Variants in DNAAF11 observed in about 807,000 individuals in gnomAD.
The protein encoded by DNAAF11 is leucine rich repeat containing 6.
In DNAAF11, 45 loss-of-function variants were observed where a neutral mutation model predicts 60.8. That is an observed-to-expected ratio of 0.74 (90% CI 0.58 to 0.95). The LOEUF is 0.95. DNAAF11 is among the 40% of genes least tolerant of loss of function. The pLI is 0.00. For synonymous variants in DNAAF11, 191 were observed against 183.5 expected (o/e 1.04, Z -0.33); for missense variants, 546 against 546.2 (o/e 1.00, Z 0.00).
intron 3 of DNAAF11, among the ~76,000 whole-genome samples, chr8:132,648,388 C>G (rs960428544): frequency 6.6e-6 from 1 of 152,112 alleles, no homozygotes; most frequent in South Asian, 2.1e-4. Context: ...TTATGACACA[C>G]GCACAGCCAA....
rs150219684 is a variant in DNAAF11 at position 132,649,830 on chromosome 8, A to G, written c.256+7000T>C. ...AAACCACAATGAGATACCATCTCAA[A>G]CCAGTTAGAATGGCAATCATTAAAA... On this transcript the variant is annotated intron_variant, in intron 3 of 11. Transcript: ENST00000620350. Among the ~76,000 whole-genome samples, 156 of 152,362 alleles carry G rather than the reference A, an allele frequency of 1.0e-3. No individual in the cohort carries two copies. The Middle Eastern group carries it at 0.014, about 13-fold the overall frequency.
At position 132,597,803 on chromosome 8, in the gene DNAAF11, A is replaced by C. The variant is rs545842841; in HGVS notation, c.1140+12363T>G. Among the ~76,000 whole-genome samples, 10 of 152,312 alleles carry C rather than the reference A, an allele frequency of 6.6e-5. No individual in the cohort carries two copies. In the South Asian group the frequency reaches 2.1e-3, roughly 32 times the overall value. ...GGTATGAGGAATCATGGAAGAAAGGATACATTTCATTGTATCTACTTTTGA... is the reference window on the plus strand; with the variant it reads ...GGTATGAGGAATCATGGAAGAAAGGCTACATTTCATTGTATCTACTTTTGA... On this transcript the variant is annotated intron_variant, in intron 10 of 11. Transcript: ENST00000620350.
intron 10 of DNAAF11, among the ~76,000 whole-genome samples, chr8:132,594,774 G>T (rs1033436874): frequency 6.6e-6 from 1 of 152,108 alleles, no homozygotes; most frequent in Non-Finnish European, 1.5e-5. Flanking sequence ...AGTTTCCTGA[G>T]GCCTCCCAAG....
chr8:132,692,774 G>A, the DNAAF11 span, among the ~76,000 whole-genome samples: 1 of 152,122 alleles, frequency 6.6e-6, no homozygotes, highest in Non-Finnish European at 1.5e-5. Context: ...CCTTGCCAAG[G>A]GCAAGCATTA....
chr8:132,663,867 A>T (rs1824367408), intron 1 of DNAAF11, among the ~76,000 whole-genome samples: 1 of 152,226 alleles, frequency 6.6e-6, no homozygotes, highest in African/African-American at 2.4e-5. Context: ...TCCAAGGGTC[A>T]GCTGTTTGTC....
chr8:132,669,313 A>G (rs1340489538), intron 1 of DNAAF11, among the ~76,000 whole-genome samples: 1 of 152,230 alleles, frequency 6.6e-6, no homozygotes, highest in East Asian at 1.9e-4. Context: ...ACATGTTGTC[A>G]CAGTGGCAAG....
intron 2 of DNAAF11, among the ~76,000 whole-genome samples, chr8:132,657,712 T>C (rs572744572): frequency 9.2e-5 from 14 of 152,160 alleles, no homozygotes; most frequent in African/African-American, 2.9e-4. Flanking sequence ...AATAATACCA[T>C]AGCAACTATT....
chr8:132,692,207 G>T, the DNAAF11 span, among the ~76,000 whole-genome samples: 3 of 150,382 alleles, frequency 2.0e-5, no homozygotes, highest in South Asian at 2.1e-4. Context: ...GGGGTGGGGG[G>T]TAGAGAGCCA....
At chr8:132,697,614 T>A in the DNAAF11 span, among the ~76,000 whole-genome samples, 1 of 114,714 alleles carries the variant, frequency 8.7e-6, no homozygotes, top group East Asian at 2.4e-4. Context: ...CGAGACCCCA[T>A]CTCAAAAAGA....
chr8:132,581,147 G>C (rs1815285106), intron 11 of DNAAF11, among the ~76,000 whole-genome samples: 1 of 152,140 alleles, frequency 6.6e-6, no homozygotes, highest in Non-Finnish European at 1.5e-5. Flanking sequence ...ATTCCTGATG[G>C]ATTAGACGTT....
Position 132,641,925 on chromosome 8 carries a change from A to G in DNAAF11, c.257-3818T>C, listed in dbSNP as rs139652191. Among the ~76,000 whole-genome samples the G allele has an allele frequency of 4.9e-4, 74 of 152,352 alleles. No individual in the cohort carries two copies. In the East Asian group the frequency reaches 0.01, roughly 21 times the overall value. Reference sequence around the variant, plus strand: ...GAGGAGGAGAGCTTATGATATAATGAAAATGGAAAAAGTAAGATATAACAT... The same window carrying G: ...GAGGAGGAGAGCTTATGATATAATGGAAATGGAAAAAGTAAGATATAACAT... On this transcript the variant is annotated intron_variant, in intron 3 of 11. Transcript: ENST00000620350.
intron 1 of DNAAF11, among the ~76,000 whole-genome samples, chr8:132,666,885 T>C (rs1174261743): frequency 6.6e-6 from 1 of 152,172 alleles, no homozygotes; most frequent in East Asian, 1.9e-4. Context: ...TCGGAGAAGA[T>C]GGCAAGCTTC....
intron 8 of DNAAF11, among the ~76,000 whole-genome samples, chr8:132,611,662 G>A (rs974185992): frequency 2.6e-5 from 4 of 152,122 alleles, no homozygotes; most frequent in African/African-American, 4.8e-5. Flanking sequence ...GCTCTTTCAT[G>A]AATATTTTAT....
intron 5 of DNAAF11, among the ~76,000 whole-genome samples, chr8:132,625,732 T>C (rs1452395291): frequency 1.3e-5 from 2 of 152,188 alleles, no homozygotes; most frequent in Non-Finnish European, 2.9e-5. Context: ...ATTCCAGGGT[T>C]CACAGACCTG....
chr8:132,647,257 C>G (rs552222502), intron 3 of DNAAF11, among the ~76,000 whole-genome samples: 1 of 151,926 alleles, frequency 6.6e-6, no homozygotes. Context: ...GGGTACATAA[C>G]GAAATGAAGG....
At chr8:132,666,286 G>A (rs371746332) in intron 1 of DNAAF11, among the ~76,000 whole-genome samples, 4 of 152,104 alleles carry the variant, frequency 2.6e-5, no homozygotes, top group Non-Finnish European at 5.9e-5. Flanking sequence ...CTAGAAGGAC[G>A]ATATTGAAAG....
At chr8:132,692,255 AAG>A in the DNAAF11 span, among the ~76,000 whole-genome samples, 2 of 152,148 alleles carry the variant, frequency 1.3e-5, no homozygotes, top group Non-Finnish European at 2.9e-5. Flanking sequence ...GGTTAAGGTA[AAG>A]AGAGAACTCA....
chr8:132,681,318 C>CTTTTTTTTTTTT, the DNAAF11 span, among the ~76,000 whole-genome samples: 42 of 129,044 alleles, frequency 3.3e-4, no homozygotes, highest in African/African-American at 9.4e-4. Context: ...CCAACCATTC[C>CTTTTTTTTTTTT]TTTTTTTTTT....
chr8:132,598,340 T>A (rs1435458630), intron 10 of DNAAF11, among the ~76,000 whole-genome samples: 2 of 152,216 alleles, frequency 1.3e-5, no homozygotes, highest in East Asian at 3.8e-4. Flanking sequence ...CATCTATTTA[T>A]TAAATTATGA....
Sources: allele counts gnomAD v4.1 joint callset (sites outside exome capture counted in the v4.1 genomes callset), GRCh38; gene constraint gnomAD v4.1.1; transcripts MANE v1.5; gene names NCBI Gene and HGNC (gene_info 2026-07-23, HGNC 2026-07-21).